The following NAV3 variants were observed in gnomAD, a reference collection of about 807,000 sequenced individuals.
NAV3 encodes the protein pore membrane and/or filament interacting like protein 1.
A neutral mutation model predicts 244.7 loss-of-function variants in NAV3; 87 were observed. That is an observed-to-expected ratio of 0.36 (90% CI 0.30 to 0.42). The LOEUF (loss-of-function observed/expected upper bound fraction) is 0.42, where lower values mean the gene tolerates loss of function less well. NAV3 is among the 20% of genes least tolerant of loss of function. The probability of loss-of-function intolerance (pLI) is 1.00; values close to 1 mark genes in which losing one functional copy is unlikely to be tolerated. For missense variants in NAV3, 2,663 were observed against 2,893.3 expected (o/e 0.92, Z 1.83); for synonymous variants, 1,126 against 1,042.2 (o/e 1.08, Z -1.55).
intron 1 of NAV3, among the ~76,000 whole-genome samples, chr12:77,863,188 G>C (rs1879506134): frequency 6.6e-6 from 1 of 151,780 alleles, no homozygotes; most frequent in Admixed American, 6.6e-5. Context: ...ATTACAGAAA[G>C]GAAATGCAAA....
intron 1 of NAV3, among the ~76,000 whole-genome samples, chr12:77,841,048 G>A (rs1160543119): frequency 6.6e-6 from 1 of 152,160 alleles, no homozygotes; most frequent in East Asian, 1.9e-4. Context: ...TGTAAGAACT[G>A]TTTTACTTTG....
At chr12:77,813,735 C>T (rs746053056) in intron 2 of NAV3, among the ~76,000 whole-genome samples, 3 of 152,110 alleles carry the variant, frequency 2.0e-5, no homozygotes, top group African/African-American at 4.8e-5. Flanking sequence ...GGTCAGAAAC[C>T]ACACAGTCGG....
intron 12 of NAV3, chr12:78,091,783 G>A (rs1322017206): frequency 1.3e-5 from 1 of 75,792 alleles, no homozygotes; most frequent in Admixed American, 1.5e-4. Flanking sequence ...GCGACAGAGC[G>A]AGACTCCGTC....
intron 2 of NAV3, among the ~76,000 whole-genome samples, chr12:77,666,511 A>C (rs1873724887): frequency 6.6e-6 from 1 of 152,130 alleles, no homozygotes; most frequent in Admixed American, 6.5e-5. Context: ...AAAAAAGAAT[A>C]CTCCACAAGA....
At chr12:78,147,470 A>C (rs985541599) in intron 21 of NAV3, among the ~76,000 whole-genome samples, 2 of 152,090 alleles carry the variant, frequency 1.3e-5, no homozygotes, top group Admixed American at 1.3e-4. Flanking sequence ...CATGTAATAG[A>C]GACTATTTAA....
chr12:77,978,037 A>C (rs892637284), intron 5 of NAV3, among the ~76,000 whole-genome samples: 3 of 152,146 alleles, frequency 2.0e-5, no homozygotes, highest in Admixed American at 6.6e-5. Flanking sequence ...GTTTGTAAAA[A>C]AAAAATTCTT....
chr12:78,159,767 A>G (rs1322933052), intron 23 of NAV3, among the ~76,000 whole-genome samples: 1 of 152,122 alleles, frequency 6.6e-6, no homozygotes, highest in Non-Finnish European at 1.5e-5. Flanking sequence ...TTTACTCCAT[A>G]TTGGAACACA....
chr12:78,182,558 T>C (rs182212992), intron 30 of NAV3, among the ~76,000 whole-genome samples: 12,406 of 151,592 alleles, frequency 0.082, 634 homozygotes, highest in Non-Finnish European at 0.13. Flanking sequence ...CAGACACATA[T>C]AAAAAAAACT....
At chr12:77,767,572 A>G (rs761552663) in intron 2 of NAV3, among the ~76,000 whole-genome samples, 3 of 152,170 alleles carry the variant, frequency 2.0e-5, no homozygotes, top group Non-Finnish European at 4.4e-5. Flanking sequence ...AGCCAAGCAC[A>G]CTAGCCACTG....
At chr12:77,883,368 TCTAA>T (rs1294267550) in intron 1 of NAV3, among the ~76,000 whole-genome samples, 1 of 152,046 alleles carries the variant, frequency 6.6e-6, no homozygotes, top group African/African-American at 2.4e-5. Context: ...GCATGTTCTC[TCTAA>T]CTGAGAGCTA....
rs141831229 is a variant in NAV3, at chr12:77,924,710, T to C, written c.244-15609T>C. Among the ~76,000 whole-genome samples, 178 of 152,264 alleles carry C rather than the reference T, an allele frequency of 1.2e-3. 1 individual carries two copies. The highest frequency in any genetic ancestry group is 4.1e-3 in the African/African-American group (170 of 41,542). On this transcript the variant is annotated intron_variant, in intron 1 of 39. Transcript: ENST00000397909. ...AAGTAAATTAGTTTCTGTGTCTCAA[T>C]GCAATTAAAAAGAAAGTAGTCGATC...
intron 1 of NAV3, among the ~76,000 whole-genome samples, chr12:77,910,022 T>A (rs770727185): frequency 6.6e-6 from 1 of 152,120 alleles, no homozygotes; most frequent in Non-Finnish European, 1.5e-5. Flanking sequence ...TTTAACAGAA[T>A]AGCACGATTT....
intron 2 of NAV3, among the ~76,000 whole-genome samples, chr12:77,597,975 A>G (rs77553442): frequency 0.027 from 4,170 of 152,108 alleles, 85 homozygotes; most frequent in Middle Eastern, 0.085. Context: ...CAGATGGAAT[A>G]CATTTGTGGA....
Position 78,210,620 on chromosome 12 carries a change from G to A in NAV3, c.*103G>A. On this transcript the variant is annotated 3_prime_UTR_variant, in exon 40 of 40. Transcript: ENST00000397909. ...GCCAGTATAAAAGCACCCTGTCAAG[G>A]GCCCTGACCCAGAGTTGTGGTCTCC... is the stretch of plus-strand genomic sequence containing the variant. 7.2e-7 allele frequency: 1 copy of A among 1,381,964 alleles called. No homozygotes were observed. The highest frequency in any genetic ancestry group is 9.8e-7 in the Non-Finnish European group (1 of 1,025,082). 85.6% of individuals were successfully genotyped at this position (1,381,964 alleles called of 1,614,324 possible).
intron 2 of NAV3, among the ~76,000 whole-genome samples, chr12:77,673,110 T>C (rs1273092498): frequency 6.6e-6 from 1 of 152,194 alleles, no homozygotes; most frequent in Non-Finnish European, 1.5e-5. Context: ...TTTTTACTTT[T>C]TAAAAATGTT....
At chr12:77,610,278 A>G (rs967187722) in intron 2 of NAV3, among the ~76,000 whole-genome samples, 3 of 152,086 alleles carry the variant, frequency 2.0e-5, no homozygotes, top group African/African-American at 7.2e-5. Context: ...TCATGTAGAA[A>G]ACATTTGTCG....
chr12:77,746,299 A>G (rs907368121), intron 2 of NAV3, among the ~76,000 whole-genome samples: 2 of 152,088 alleles, frequency 1.3e-5, no homozygotes, highest in African/African-American at 2.4e-5. Flanking sequence ...CAATACACAA[A>G]TGTATTAACA....
chr12:77,690,846 T>C (rs539791865), intron 2 of NAV3, among the ~76,000 whole-genome samples: 78 of 15,150 alleles, frequency 5.1e-3, no homozygotes, highest in African/African-American at 0.021. Flanking sequence ...CTTCCTAATA[T>C]AAAAAGGAGC....
intron 2 of NAV3, among the ~76,000 whole-genome samples, chr12:77,818,577 A>G (rs1464941848): frequency 3.3e-5 from 5 of 152,112 alleles, no homozygotes; most frequent in Non-Finnish European, 7.4e-5. Flanking sequence ...GATGAGGGGT[A>G]TGTGATTGCT....
Sources: gnomAD v4.1 joint callset for allele counts (sites outside exome capture counted in the v4.1 genomes callset) on GRCh38, gnomAD v4.1.1 for gene constraint, MANE v1.5 for transcripts, NCBI Gene and HGNC (gene_info 2026-07-23, HGNC 2026-07-21) for gene names.